ENKUR: variants seen among roughly 807,000 people sequenced by gnomAD.
ENKUR encodes enkurin, TRPC channel interacting protein.
In ENKUR, 19 loss-of-function variants were observed where a neutral mutation model predicts 27.6. The observed-to-expected ratio is 0.69, with a 90% CI of 0.48 to 1.01. ENKUR has a LOEUF of 1.01. ENKUR is among the 50% of genes least tolerant of loss of function. The probability of loss-of-function intolerance (pLI) is 0.00; values close to 1 mark genes in which losing one functional copy is unlikely to be tolerated. For missense variants in ENKUR, 312 were observed against 310.5 expected (o/e 1.00, Z -0.04); for synonymous variants, 117 against 96.9 (o/e 1.21, Z -1.22).
exon 1 of ENKUR, chr10:25,062,208 TC>T (rs2130505582): frequency 6.6e-6 from 1 of 152,262 alleles, no homozygotes; most frequent in East Asian, 1.9e-4. Context: ...GCGTATTGAG[TC>T]ATTCTCTTCT....
chr10:25,024,722 GC>G (rs758753195), intron 2 of ENKUR: 1 of 1,614,156 alleles, frequency 6.2e-7, no homozygotes, highest in African/African-American at 1.3e-5. Flanking sequence ...TCTTTTGGAA[GC>G]CCAGTCGATG....
At chr10:25,004,554 T>C (rs1373277718) in intron 1 of ENKUR, among the ~76,000 whole-genome samples, 1 of 152,210 alleles carries the variant, frequency 6.6e-6, no homozygotes, top group Non-Finnish European at 1.5e-5. Flanking sequence ...TGGTCACATG[T>C]ATGTCTTCTT....
chr10:24,988,691 T>C (rs1448666996), intron 4 of ENKUR, among the ~76,000 whole-genome samples: 1 of 31,852 alleles, frequency 3.1e-5, no homozygotes, highest in Non-Finnish European at 5.5e-5. Context: ...TATATATATA[T>C]ATATATATAT....
chr10:25,024,111 G>T (rs1850785801), intron 2 of ENKUR: 1 of 1,614,046 alleles, frequency 6.2e-7, no homozygotes, highest in Non-Finnish European at 8.5e-7. Flanking sequence ...AGATACTGTT[G>T]GAAAGATGTA....
chr10:25,044,531 G>A (rs1851100206), intron 2 of ENKUR, among the ~76,000 whole-genome samples: 1 of 152,120 alleles, frequency 6.6e-6, no homozygotes, highest in South Asian at 2.1e-4. Flanking sequence ...CAAGCAGCTG[G>A]TACTACAGGC....
chr10:25,007,725 C>T (rs902800122), intron 1 of ENKUR, among the ~76,000 whole-genome samples: 8 of 152,074 alleles, frequency 5.3e-5, no homozygotes, highest in African/African-American at 1.9e-4. Context: ...TGAGCGACTG[C>T]GCCCAGCCAC....
At chr10:25,023,179 T>G (rs767404907) in intron 2 of ENKUR, 5 of 1,561,350 alleles carry the variant, frequency 3.2e-6, no homozygotes, top group Non-Finnish European at 4.3e-6. Flanking sequence ...TGAAAAGGGC[T>G]AAAGCCAATT....
At chr10:25,043,893 C>CT (rs36019656) in intron 2 of ENKUR, among the ~76,000 whole-genome samples, 65 of 143,034 alleles carry the variant, frequency 4.5e-4, no homozygotes, top group Middle Eastern at 7.6e-3. Context: ...TTCAGATATT[C>CT]TTTTTTTTTT....
At chr10:25,015,708 A>T (rs1046863976) in intron 1 of ENKUR, 152 bp downstream of exon 1, 1 of 662,814 alleles carries the variant, frequency 1.5e-6, no homozygotes, top group Non-Finnish European at 2.2e-6. Flanking sequence ...AGATATTTCG[A>T]CCTTTTCTCT....
chr10:25,000,565 A>G (rs1180389730), intron 1 of ENKUR, among the ~76,000 whole-genome samples: 1 of 152,096 alleles, frequency 6.6e-6, no homozygotes, highest in Non-Finnish European at 1.5e-5. Context: ...CTATAAAATA[A>G]CACTCTATTC....
At chr10:25,008,378 A>G (rs1256912413) in intron 1 of ENKUR, among the ~76,000 whole-genome samples, 1 of 152,252 alleles carries the variant, frequency 6.6e-6, no homozygotes, top group Non-Finnish European at 1.5e-5. Context: ...ACTCTGGATC[A>G]GGAGAAAATG....
intron 2 of ENKUR, among the ~76,000 whole-genome samples, chr10:25,057,888 CT>C (rs1851279044): frequency 6.6e-6 from 1 of 151,956 alleles, no homozygotes; most frequent in Admixed American, 6.6e-5. Flanking sequence ...CAAACTTTAC[CT>C]AGTGTTTACA....
At chr10:25,049,379 G>T (rs1048056281) in intron 2 of ENKUR, among the ~76,000 whole-genome samples, 2 of 148,104 alleles carry the variant, frequency 1.4e-5, no homozygotes, top group East Asian at 2.0e-4. Context: ...CTCAATAAGG[G>T]TATGTAAATA....
chr10:24,984,063 GA>G lies in ENKUR; in HGVS notation c.*306del. On this transcript the variant is annotated 3_prime_UTR_variant, in exon 6 of 6. Transcript: ENST00000331161. ...TAAGAGTATCGAGGTTGGTATGCTA[GA>G]AAGGAGGCTATTCTCCTTAATCATC... The G allele has an allele frequency of 3.2e-6, 1 of 315,614 alleles. No homozygotes were observed. The highest frequency in any genetic ancestry group is 5.7e-6 in the Non-Finnish European group (1 of 174,448). The allele number at this position is 315,614 out of a possible 1,614,324, so 19.6% of individuals were successfully genotyped here. A position where few individuals can be genotyped will look rare whatever the true frequency, so the allele number is the denominator to read the frequency against.
At chr10:24,987,943 G>A (rs1210622794) in intron 4 of ENKUR, among the ~76,000 whole-genome samples, 1 of 151,978 alleles carries the variant, frequency 6.6e-6, no homozygotes, top group Non-Finnish European at 1.5e-5. Flanking sequence ...ATTAACGGCT[G>A]GGCAGATTGG....
At chr10:25,046,536 T>TA (rs1244235954) in intron 2 of ENKUR, among the ~76,000 whole-genome samples, 1 of 152,192 alleles carries the variant, frequency 6.6e-6, no homozygotes, top group African/African-American at 2.4e-5. Context: ...GTCCTGGCTT[T>TA]ATCACCAGCG....
At chr10:25,021,952 A>G (rs1166748991) in intron 2 of ENKUR, 6 of 152,188 alleles carry the variant, frequency 3.9e-5, no homozygotes, top group African/African-American at 1.4e-4. Context: ...TAAATGTTTA[A>G]TTACAGAACA....
rs377056839 is a variant in ENKUR at position 25,033,641 on chromosome 10, G to T, written c.37+27471C>A. Among the ~76,000 whole-genome samples, 52 of 152,240 alleles carry T rather than the reference G, an allele frequency of 3.4e-4. 1 individual carries two copies. In the South Asian group the frequency reaches 0.011, roughly 32 times the overall value. On this transcript the variant is annotated intron_variant, in intron 2 of 5. Coordinates refer to the ENKUR transcript ENST00000615958. ...TTGGAATAGGTGAATATAAGCTGGA[G>T]AATTTAGAGCAGTTTAATGGGTCCT...
intron 1 of ENKUR, among the ~76,000 whole-genome samples, chr10:25,000,109 T>C (rs1210762051): frequency 1.3e-5 from 2 of 152,218 alleles, no homozygotes; most frequent in Admixed American, 1.3e-4. Context: ...TGTTTAGACA[T>C]GCTTAGTTTT....
Sources: gnomAD v4.1 joint callset for allele counts (sites outside exome capture counted in the v4.1 genomes callset) on GRCh38, gnomAD v4.1.1 for gene constraint, MANE v1.5 for transcripts, NCBI Gene and HGNC (gene_info 2026-07-23, HGNC 2026-07-21) for gene names.